RTN4: variants seen among roughly 807,000 people sequenced by gnomAD.
RTN4 encodes the protein reticulon 4.
In RTN4, 32 loss-of-function variants were observed where a neutral mutation model predicts 90.4. The ratio of observed to expected loss-of-function variants is 0.35; its 90% CI spans 0.27 to 0.48. The LOEUF (loss-of-function observed/expected upper bound fraction) is 0.48, where lower values mean the gene tolerates loss of function less well. Among genes scored for constraint, RTN4 ranks in the 20% least tolerant of loss-of-function variants. The pLI is 0.99. For synonymous variants in RTN4, 629 were observed against 552.5 expected, an observed-to-expected ratio of 1.14 and a Z score of -1.94; for missense variants, 1,706 against 1,430.2, an observed-to-expected ratio of 1.19 and a Z score of -3.11.
At chr2:55,095,046 G>C (rs1026032745) in intron 1 of RTN4, among the ~76,000 whole-genome samples, 8 of 152,092 alleles carry the variant, frequency 5.3e-5, no homozygotes, top group African/African-American at 1.9e-4. Context: ...TAATAAGGCT[G>C]GGCGCGGTGG....
intron 3 of RTN4, among the ~76,000 whole-genome samples, chr2:55,021,814 T>C (rs1011791929): frequency 2.0e-5 from 3 of 152,174 alleles, no homozygotes; most frequent in Non-Finnish European, 2.9e-5. Context: ...ATTATAGCAA[T>C]ACTGGGTTTC....
At chr2:55,071,318 G>A (rs1231330167) in intron 2 of RTN4, among the ~76,000 whole-genome samples, 3 of 151,850 alleles carry the variant, frequency 2.0e-5, no homozygotes, top group South Asian at 2.1e-4. Context: ...GGGAGCAATA[G>A]TACCTTCCCT....
intron 2 of RTN4, among the ~76,000 whole-genome samples, chr2:55,070,267 C>G (rs151164533): frequency 0.024 from 3,591 of 152,008 alleles, 76 homozygotes; most frequent in South Asian, 0.036. Context: ...CCCCACCCCC[C>G]CAAACAAAAG....
upstream of RTN4, among the ~76,000 whole-genome samples, chr2:55,114,474 G>T (rs900050042): frequency 6.6e-6 from 1 of 152,206 alleles, no homozygotes; most frequent in Non-Finnish European, 1.5e-5. Context: ...CGAGGCAGGT[G>T]GATTACTTGA....
Position 55,050,221 on chromosome 2 carries a change from A to T in RTN4, c.80T>A (p.Phe27Tyr), listed in dbSNP as rs759410651. The T allele has an allele frequency of 1.3e-6, 2 of 1,561,510 alleles. No homozygotes were observed. The highest frequency in any genetic ancestry group is 1.7e-6 in the Non-Finnish European group (2 of 1,156,464). ...CTCCTCGTCCTCGGGCTCCCTCACG[A>T]ACTGGTACTTGAACGCGGGCTGCGG... ...PRPQPAFKYQ[F>Y]VREPEDEEEE... Residue 27 changes from phenylalanine to tyrosine, a missense_variant, in exon 1 of 9, where the codon TTC becomes TAC. By Grantham distance (22) the Phe-to-Tyr change is conservative. Coordinates refer to ENST00000337526, the MANE Select transcript of RTN4 (RefSeq NM_020532.5). This position sits in a 1 kb window ranked among gnomAD's most constrained non-coding sequence, Gnocchi z 4.6.
intron 1 of RTN4, among the ~76,000 whole-genome samples, chr2:55,031,117 A>C (rs1038447523): frequency 2.0e-5 from 3 of 152,240 alleles, no homozygotes; most frequent in Admixed American, 2.0e-4. Flanking sequence ...CCTGCATTTT[A>C]AAACCATAGA....
intron 6 of RTN4, chr2:54,974,144 T>C: frequency 5.4e-6 from 2 of 367,162 alleles, no homozygotes; most frequent in South Asian, 3.2e-5. Context: ...CCTGGTTAGA[T>C]TTATGACTGC....
upstream of RTN4, among the ~76,000 whole-genome samples, chr2:55,054,978 C>T (rs1668163734): frequency 6.6e-6 from 1 of 151,990 alleles, no homozygotes; most frequent in Non-Finnish European, 1.5e-5. Context: ...GTAAGATCAA[C>T]TTCTTCAGTC....
intron 1 of RTN4, among the ~76,000 whole-genome samples, chr2:55,101,368 G>T (rs10172205): frequency 0.03 from 4,492 of 152,102 alleles, 102 homozygotes; most frequent in South Asian, 0.036. Flanking sequence ...ATTATCCATT[G>T]TAATAATAAT....
At chr2:55,135,915 T>C in the RTN4 span, among the ~76,000 whole-genome samples, 1 of 152,226 alleles carries the variant, frequency 6.6e-6, no homozygotes, top group Non-Finnish European at 1.5e-5. Flanking sequence ...TATTGCTGAG[T>C]AGTATTCTAT....
chr2:55,022,637 C>A (rs953117954), intron 3 of RTN4, among the ~76,000 whole-genome samples: 1 of 152,086 alleles, frequency 6.6e-6, no homozygotes, highest in Non-Finnish European at 1.5e-5. Flanking sequence ...CTTCTACCTA[C>A]CATCCTGCCA....
intron 2 of RTN4, among the ~76,000 whole-genome samples, chr2:55,078,098 T>G (rs1478598422): frequency 6.6e-6 from 1 of 151,866 alleles, no homozygotes; most frequent in African/African-American, 2.4e-5. Context: ...AGGTGATGGG[T>G]GCACCAAAAT....
chr2:55,125,098 A>G, the RTN4 span, among the ~76,000 whole-genome samples: 1 of 152,252 alleles, frequency 6.6e-6, no homozygotes, highest in South Asian at 2.1e-4. Flanking sequence ...ACAAAAGAAA[A>G]AAATTCAACT....
rs1319943333 is a variant in RTN4, at chr2:55,043,919, T to C, written c.556+5826A>G. Among the ~76,000 whole-genome samples, 4 of 150,944 alleles carry C rather than the reference T, an allele frequency of 2.6e-5. No homozygotes were observed. In the East Asian group the frequency reaches 5.9e-4, roughly 22 times the overall value. ...AATAAAATAAAAATAAAAATAAAAA[T>C]ATATTTAGGCTGGGTGTGGTGGCTC... is the stretch of plus-strand genomic sequence containing the variant. On this transcript the variant is annotated intron_variant, in intron 1 of 8. Coordinates refer to ENST00000337526, the MANE Select transcript of RTN4 (RefSeq NM_020532.5).
the RTN4 span, among the ~76,000 whole-genome samples, chr2:55,130,856 G>A: frequency 6.6e-6 from 1 of 152,116 alleles, no homozygotes; most frequent in African/African-American, 2.4e-5. Flanking sequence ...GAGGTGGCTT[G>A]CAAAAACTCA....
chr2:54,982,703 C>T (rs1277034908), intron 4 of RTN4, 50 bp from the exon 5 acceptor site: 2 of 1,534,994 alleles, frequency 1.3e-6, no homozygotes, highest in East Asian at 2.3e-5. Flanking sequence ...TGATTTTCCC[C>T]TAAATGTCAA....
upstream of RTN4, among the ~76,000 whole-genome samples, chr2:55,053,847 T>C (rs954944315): frequency 2.0e-5 from 3 of 152,070 alleles, no homozygotes; most frequent in African/African-American, 7.2e-5. Context: ...TGGGAGAACT[T>C]TGGGAGGTCA....
intron 4 of RTN4, 108 bp downstream of exon 4, chr2:54,987,377 ATTATCT>A (rs772397214): frequency 4.2e-5 from 35 of 832,720 alleles, no homozygotes; most frequent in Non-Finnish European, 5.6e-5. Context: ...AATAACTGCA[ATTATCT>A]TTAACAAAAA....
At chr2:55,131,900 C>T in the RTN4 span, among the ~76,000 whole-genome samples, 3 of 152,036 alleles carry the variant, frequency 2.0e-5, no homozygotes, top group Non-Finnish European at 4.4e-5. Context: ...ATAATAAAAT[C>T]TGAAAACATT....
Sources: gnomAD v4.1 joint callset for allele counts (sites outside exome capture counted in the v4.1 genomes callset) on GRCh38, gnomAD v4.1.1 for gene constraint, Gnocchi (gnomAD v3.1) non-coding constraint, MANE v1.5 for transcripts, NCBI Gene and HGNC (gene_info 2026-07-23, HGNC 2026-07-21) for gene names.